CHODL: variants seen among roughly 807,000 people sequenced by gnomAD.
CHODL encodes transmembrane protein MT75.
CHODL carries 29 observed loss-of-function variants against 34.5 expected under a neutral mutation model. That is an observed-to-expected ratio of 0.84 (90% CI 0.63 to 1.15). The LOEUF is 1.15. Among genes scored for constraint, CHODL ranks in the 50% most tolerant of loss-of-function variants. CHODL has a pLI of 0.00. For missense variants in CHODL, 332 were observed against 332.5 expected (o/e 1.00, Z 0.01); for synonymous variants, 125 against 116.1 (o/e 1.08, Z -0.49).
At chr21:17,956,275 C>T (rs1433447251) in intron 1 of CHODL, among the ~76,000 whole-genome samples, 2 of 78,814 alleles carry the variant, frequency 2.5e-5, no homozygotes, top group African/African-American at 3.9e-5. Context: ...TGACACCTCC[C>T]CTCACTCTCT....
chr21:18,215,578 AC>A (rs2073819252), intron 2 of CHODL, among the ~76,000 whole-genome samples: 2 of 152,236 alleles, frequency 1.3e-5, no homozygotes, highest in South Asian at 4.1e-4. Context: ...ATATATACTT[AC>A]ATCTGAACAG....
intron 4 of CHODL, among the ~76,000 whole-genome samples, chr21:18,262,326 G>A (rs943825105): frequency 3.3e-5 from 5 of 152,122 alleles, no homozygotes; most frequent in African/African-American, 7.2e-5. Flanking sequence ...GTCATTGTGC[G>A]AACATCATAG....
intron 2 of CHODL, among the ~76,000 whole-genome samples, chr21:18,108,657 T>C (rs1482681467): frequency 6.6e-6 from 1 of 152,134 alleles, no homozygotes; most frequent in Non-Finnish European, 1.5e-5. Flanking sequence ...ATAAATCCTA[T>C]ACAGATAGGA....
upstream of CHODL, among the ~76,000 whole-genome samples, chr21:18,240,528 ATC>A (rs1357115686): frequency 3.3e-5 from 5 of 152,174 alleles, no homozygotes; most frequent in Non-Finnish European, 7.4e-5. Flanking sequence ...TCAATTATGT[ATC>A]TAATAACTCA....
At chr21:18,112,845 A>G (rs1423962461) in intron 2 of CHODL, among the ~76,000 whole-genome samples, 1 of 152,238 alleles carries the variant, frequency 6.6e-6, no homozygotes, top group Non-Finnish European at 1.5e-5. Context: ...TTTCTAGGAC[A>G]TTGGTCTGGG....
Position 18,260,211 on chromosome 21 carries a change from A to G in CHODL, c.559A>G (p.Thr187Ala). 6.4e-7 allele frequency: 1 copy of G among 1,564,812 alleles called. No individual in the cohort carries two copies. The highest frequency in any genetic ancestry group is 8.6e-7 in the Non-Finnish European group (1 of 1,156,368). The change falls in exon 4 of 6, where the codon ACA becomes GCA. Residue 187 changes from threonine to alanine, a missense_variant. Thr to Ala is a moderately conservative substitution (Grantham distance 58). Transcript: ENST00000299295. ...ICKYEPEINP[T>A]APVEKPYLTN... ...CTTATTATTTACAGAGATTAATCCA[A>G]CAGCCCCTGTAGAAAAGCCTTATCT... is the stretch of plus-strand genomic sequence containing the variant.
intron 1 of CHODL, among the ~76,000 whole-genome samples, chr21:17,973,632 G>A (rs2063636600): frequency 6.6e-6 from 1 of 150,716 alleles, no homozygotes; most frequent in Non-Finnish European, 1.5e-5. Context: ...GTGTTAGCCG[G>A]GATGGTCTCG....
chr21:18,162,129 A>G (rs975435332), intron 2 of CHODL, among the ~76,000 whole-genome samples: 1 of 152,164 alleles, frequency 6.6e-6, no homozygotes, highest in Non-Finnish European at 1.5e-5. Flanking sequence ...CCTGACCTCT[A>G]ATGCCATGAA....
chr21:17,997,976 T>A (rs982589466), intron 1 of CHODL, among the ~76,000 whole-genome samples: 1 of 152,154 alleles, frequency 6.6e-6, no homozygotes, highest in African/African-American at 2.4e-5. Context: ...CTTAACTCAT[T>A]TCAGCATTAA....
intron 2 of CHODL, among the ~76,000 whole-genome samples, chr21:18,212,729 G>T (rs1483787103): frequency 6.6e-6 from 1 of 152,054 alleles, no homozygotes; most frequent in Non-Finnish European, 1.5e-5. Flanking sequence ...ATATTCACTT[G>T]AATTGAGAAT....
At chr21:18,093,937 C>T (rs562055014) in intron 2 of CHODL, among the ~76,000 whole-genome samples, 5 of 152,000 alleles carry the variant, frequency 3.3e-5, no homozygotes, top group Non-Finnish European at 7.4e-5. Context: ...AAGACATACA[C>T]TTGCTGAATG....
intron 2 of CHODL, among the ~76,000 whole-genome samples, chr21:18,039,561 C>G (rs2064350514): frequency 6.6e-6 from 1 of 151,670 alleles, no homozygotes; most frequent in Non-Finnish European, 1.5e-5. Flanking sequence ...TTTCTATATT[C>G]TAAATCTAGA....
intron 2 of CHODL, among the ~76,000 whole-genome samples, chr21:18,078,539 T>C (rs76990754): frequency 0.016 from 2,449 of 152,328 alleles, 65 homozygotes; most frequent in African/African-American, 0.055. Context: ...AGTTAACAGA[T>C]ATTATTGCAG....
chr21:18,146,137 T>A (rs1247888544), intron 2 of CHODL, among the ~76,000 whole-genome samples: 2 of 150,636 alleles, frequency 1.3e-5, no homozygotes, highest in East Asian at 3.9e-4. Context: ...CCGGTTAATT[T>A]TTTTTTTTTT....
chr21:18,076,321 T>C (rs1042143443), intron 2 of CHODL, among the ~76,000 whole-genome samples: 5 of 152,176 alleles, frequency 3.3e-5, no homozygotes, highest in Admixed American at 3.3e-4. Context: ...GAACATGTTA[T>C]TGGAGGAAAG....
intron 1 of CHODL, among the ~76,000 whole-genome samples, chr21:17,999,915 C>T (rs1408424939): frequency 6.6e-6 from 1 of 152,142 alleles, no homozygotes; most frequent in African/African-American, 2.4e-5. Context: ...CCTCTCTGAG[C>T]CTTTTAAAGT....
intron 2 of CHODL, among the ~76,000 whole-genome samples, chr21:18,133,108 T>C (rs530654094): frequency 3.3e-5 from 5 of 151,660 alleles, no homozygotes; most frequent in South Asian, 4.2e-4. Context: ...GCTTTGGCTA[T>C]TGAAATGTTA....
rs144631725 is a variant in CHODL, at chr21:18,263,269, A to G, written c.737+376A>G. Among the ~76,000 whole-genome samples, 93 of 152,292 alleles carry G rather than the reference A, an allele frequency of 6.1e-4. No homozygotes were observed. In the East Asian group the frequency reaches 0.016, roughly 26 times the overall value. ...TATGAAGTATAAGAATTAATGCTAA[A>G]CTTTTCAATCTAGACATCAAGCTAT... is the stretch of plus-strand genomic sequence containing the variant. On this transcript the variant is annotated intron_variant, in intron 5 of 5. Transcript: ENST00000299295.
chr21:17,931,768 T>C (rs779704425), intron 1 of CHODL, among the ~76,000 whole-genome samples: 3 of 152,108 alleles, frequency 2.0e-5, no homozygotes, highest in Non-Finnish European at 4.4e-5. Context: ...TGAATGAAAC[T>C]GGGCCTCTAT....
Sources: allele counts gnomAD v4.1 joint callset (sites outside exome capture counted in the v4.1 genomes callset), GRCh38; gene constraint gnomAD v4.1.1; transcripts MANE v1.5; gene names NCBI Gene and HGNC (gene_info 2026-07-23, HGNC 2026-07-21).